The following PACS1 variants were observed in gnomAD, a reference collection of about 807,000 sequenced individuals.
The protein encoded by PACS1 is phosphofurin acidic cluster sorting protein 1, also known as PACS-1.
In PACS1, 24 loss-of-function variants were observed where a neutral mutation model predicts 115.0. The ratio of observed to expected loss-of-function variants is 0.21; its 90% CI spans 0.15 to 0.29. The LOEUF (loss-of-function observed/expected upper bound fraction) is 0.29. Among genes scored for constraint, PACS1 ranks in the 10% least tolerant of loss-of-function variants. PACS1 has a pLI of 1.00. For missense variants in PACS1, 838 were observed against 1,251.2 expected (o/e 0.67, Z 4.98); for synonymous variants, 453 against 504.5 (o/e 0.90, Z 1.37).
At chr11:66,079,345 T>C (rs868068881) in intron 1 of PACS1, among the ~76,000 whole-genome samples, 181 of 128,022 alleles carry the variant, frequency 1.4e-3, no homozygotes, top group African/African-American at 4.9e-3. Context: ...TGGGAAAAGG[T>C]CTGGGTAAAA....
rs1319980932 is a variant in PACS1, at chr11:66,208,507, T to A, written c.445-1855T>A. Among the ~76,000 whole-genome samples the A allele has an allele frequency of 5.3e-5, 8 of 152,136 alleles. No homozygotes were observed. The East Asian group carries it at 1.4e-3, about 26-fold the overall frequency. ...ATGTTTCAATGAACAGCTCCTTGTT[T>A]ACAGATTTGCTTCTTTTTAAAACTC... On this transcript the variant is annotated intron_variant, in intron 2 of 23. Coordinates refer to ENST00000320580, the MANE Select transcript of PACS1 (RefSeq NM_018026.4).
chr11:66,127,597 G>A (rs1182164868), intron 1 of PACS1, among the ~76,000 whole-genome samples: 1 of 152,226 alleles, frequency 6.6e-6, no homozygotes, highest in Non-Finnish European at 1.5e-5. Flanking sequence ...CGTTCAGTGT[G>A]TAACTTAAAA....
At chr11:66,191,769 A>G (rs1440110062) in intron 1 of PACS1, among the ~76,000 whole-genome samples, 4 of 152,208 alleles carry the variant, frequency 2.6e-5, no homozygotes, top group Non-Finnish European at 5.9e-5. Flanking sequence ...CACGCCTGTA[A>G]TCCTAGCACT....
intron 2 of PACS1, among the ~76,000 whole-genome samples, chr11:66,197,398 G>A (rs1253022182): frequency 6.6e-6 from 1 of 152,004 alleles, no homozygotes; most frequent in Non-Finnish European, 1.5e-5. Flanking sequence ...AAGTCTTATT[G>A]ATATTATTTA....
intron 1 of PACS1, among the ~76,000 whole-genome samples, chr11:66,163,491 G>A (rs777608798): frequency 6.6e-6 from 1 of 151,990 alleles, no homozygotes; most frequent in South Asian, 2.1e-4. Flanking sequence ...CTGATACAAA[G>A]CTAGATGATT....
intron 1 of PACS1, among the ~76,000 whole-genome samples, chr11:66,145,630 C>A (rs1360993000): frequency 6.6e-6 from 1 of 152,174 alleles, no homozygotes; most frequent in African/African-American, 2.4e-5. Context: ...CCCATGGTAC[C>A]CATTTGTCCC....
intron 2 of PACS1, among the ~76,000 whole-genome samples, chr11:66,204,211 C>T (rs1006848604): frequency 6.6e-6 from 1 of 152,016 alleles, no homozygotes; most frequent in Non-Finnish European, 1.5e-5. Flanking sequence ...TCTAATAATC[C>T]GATTAAGAAA....
intron 2 of PACS1, among the ~76,000 whole-genome samples, chr11:66,196,522 TG>T (rs1438608083): frequency 6.6e-6 from 1 of 152,238 alleles, no homozygotes. Context: ...CTCAGGTATT[TG>T]GAAGGTGTTT....
chr11:66,085,603 A>G (rs1857553716), intron 1 of PACS1, among the ~76,000 whole-genome samples: 1 of 152,206 alleles, frequency 6.6e-6, no homozygotes. Flanking sequence ...AGTGAGTAGT[A>G]TAAAAGAATA....
At chr11:66,075,722 C>G (rs1183753972) in intron 1 of PACS1, among the ~76,000 whole-genome samples, 1 of 151,160 alleles carries the variant, frequency 6.6e-6, no homozygotes, top group African/African-American at 2.4e-5. Flanking sequence ...CTATTACTAC[C>G]CTAGCATTAA....
chr11:66,190,167 C>A (rs1854483801), intron 1 of PACS1, among the ~76,000 whole-genome samples: 1 of 152,244 alleles, frequency 6.6e-6, no homozygotes, highest in Non-Finnish European at 1.5e-5. Context: ...ATACTGAAGA[C>A]TACCTGATCT....
At chr11:66,118,769 C>CAAAAAAAAAAAA (rs397945291) in intron 1 of PACS1, among the ~76,000 whole-genome samples, 14 of 83,584 alleles carry the variant, frequency 1.7e-4, no homozygotes, top group East Asian at 3.4e-4. Context: ...CCCATGTCTA[C>CAAAAAAAAAAAA]AAAAAAAAAA....
intron 1 of PACS1, among the ~76,000 whole-genome samples, chr11:66,159,176 G>A (rs566455728): frequency 2.6e-5 from 4 of 152,310 alleles, no homozygotes; most frequent in East Asian, 3.9e-4. Context: ...GGTGGCTCAC[G>A]CCTATAATCC....
At position 66,174,856 on chromosome 11, in the gene PACS1, AT is replaced by A. The variant is rs535937359; in HGVS notation, c.357-18629del. ...AAGAGCATTGAATTGTACGTTTAAAATAGGTGAATTTTGGCCAGGGGCAGTG... is the reference window on the plus strand; with the variant it reads ...AAGAGCATTGAATTGTACGTTTAAAAAGGTGAATTTTGGCCAGGGGCAGTG... On this transcript the variant is annotated intron_variant, in intron 1 of 23. Transcript: ENST00000320580. Among the ~76,000 whole-genome samples, 152 of 152,300 alleles carry A rather than the reference AT, an allele frequency of 1.0e-3. 2 individuals carry two copies. Among genetic ancestry groups the A allele is most frequent in the Middle Eastern group, 3.4e-3 (1 of 294 alleles).
At chr11:66,180,418 G>A (rs1394416963) in intron 1 of PACS1, among the ~76,000 whole-genome samples, 1 of 151,776 alleles carries the variant, frequency 6.6e-6, no homozygotes, top group African/African-American at 2.4e-5. Flanking sequence ...GCAGTGGCGT[G>A]ATCTCAGCTC....
intron 1 of PACS1, chr11:66,121,168 GTGTTGGT>G: frequency 2.3e-6 from 1 of 438,770 alleles, no homozygotes. Flanking sequence ...TTTTATTATT[GTGTTGGT>G]TACGGTGATC....
At chr11:66,194,492 A>C (rs1169263219) in intron 2 of PACS1, among the ~76,000 whole-genome samples, 3 of 152,216 alleles carry the variant, frequency 2.0e-5, no homozygotes, top group Admixed American at 6.5e-5. Flanking sequence ...AGGGCTCAGG[A>C]ATTTACCTGT....
At chr11:66,192,103 T>G (rs368976884) in intron 1 of PACS1, among the ~76,000 whole-genome samples, 1 of 152,058 alleles carries the variant, frequency 6.6e-6, no homozygotes, top group Non-Finnish European at 1.5e-5. Context: ...TTGTCCTCCT[T>G]TAAAAAAAAA....
intron 1 of PACS1, among the ~76,000 whole-genome samples, chr11:66,190,220 A>C (rs1253294548): frequency 1.3e-5 from 2 of 152,228 alleles, no homozygotes; most frequent in Non-Finnish European, 2.9e-5. Context: ...CTTCTCAAAT[A>C]AAACATTTGA....
Sources: allele counts gnomAD v4.1 joint callset (sites outside exome capture counted in the v4.1 genomes callset), GRCh38; gene constraint gnomAD v4.1.1; transcripts MANE v1.5; gene names NCBI Gene and HGNC (gene_info 2026-07-23, HGNC 2026-07-21).